The following SDK1 variants were observed in gnomAD, a reference collection of about 807,000 sequenced individuals.
SDK1 encodes the protein protein sidekick-1.
In SDK1, 157 loss-of-function variants were observed where a neutral mutation model predicts 245.5. That is an observed-to-expected ratio of 0.64 (90% CI 0.56 to 0.73). The LOEUF (loss-of-function observed/expected upper bound fraction) is 0.73, where lower values mean the gene tolerates loss of function less well. Ranked by LOEUF, SDK1 falls within the 30% of genes least tolerant of loss-of-function variation. SDK1 has a pLI of 0.00. For missense variants in SDK1, 3,583 were observed against 3,002.3 expected, an observed-to-expected ratio of 1.19 and a Z score of -4.52; for synonymous variants, 1,647 against 1,278.5, an observed-to-expected ratio of 1.29 and a Z score of -6.15.
intron 4 of SDK1, among the ~76,000 whole-genome samples, chr7:3,646,910 T>C (rs1459018540): frequency 6.6e-6 from 1 of 152,152 alleles, no homozygotes; most frequent in East Asian, 1.9e-4. Flanking sequence ...GTCAAATTCA[T>C]AGAGACAGAA....
At chr7:3,951,258 T>C (rs1481938063) in intron 6 of SDK1, among the ~76,000 whole-genome samples, 2 of 151,988 alleles carry the variant, frequency 1.3e-5, no homozygotes, top group Non-Finnish European at 2.9e-5. Context: ...AATGCAGCTC[T>C]GGGTGGTAGT....
intron 5 of SDK1, among the ~76,000 whole-genome samples, chr7:3,902,243 T>G (rs1781815692): frequency 6.6e-6 from 1 of 152,188 alleles, no homozygotes; most frequent in Admixed American, 6.5e-5. Flanking sequence ...TACGCTGACA[T>G]CTCTAATTCC....
intron 1 of SDK1, among the ~76,000 whole-genome samples, chr7:3,597,849 G>A (rs891747257): frequency 2.6e-5 from 4 of 152,126 alleles, no homozygotes; most frequent in Non-Finnish European, 2.9e-5. Context: ...ATTGATGTAC[G>A]TCTCTGTCGT....
intron 2 of SDK1, among the ~76,000 whole-genome samples, chr7:3,627,173 C>T (rs962924415): frequency 6.6e-5 from 10 of 152,126 alleles, no homozygotes; most frequent in African/African-American, 2.4e-4. Flanking sequence ...AAATGATTCA[C>T]CCAGCTTGTC....
In SDK1 at chr7:4,245,439, C is replaced by G. The variant is rs191841125; in HGVS notation, c.6252-237C>G. On this transcript the variant is annotated intron_variant, in intron 43 of 44. Coordinates refer to ENST00000404826, the MANE Select transcript of SDK1 (RefSeq NM_152744.4). ...CCCTCCTGGCACAGACCAGCTCTTC[C>G]TCCATGCCTGCAGGCCTAGCACAGT... Among the ~76,000 whole-genome samples the G allele has an allele frequency of 2.6e-5, 4 of 152,336 alleles. No homozygotes were observed. The East Asian group carries it at 7.7e-4, about 29-fold the overall frequency.
At chr7:3,627,520 G>T (rs755403711) in intron 2 of SDK1, among the ~76,000 whole-genome samples, 1 of 152,154 alleles carries the variant, frequency 6.6e-6, no homozygotes, top group African/African-American at 2.4e-5. Flanking sequence ...GCATGTTTCC[G>T]TGGTAGAAAG....
chr7:3,406,099 C>T (rs1175428825), intron 1 of SDK1, among the ~76,000 whole-genome samples: 2 of 152,142 alleles, frequency 1.3e-5, no homozygotes, highest in African/African-American at 4.8e-5. Flanking sequence ...AGGCGTGAGC[C>T]ACCGCTCCTC....
At position 4,267,074 on chromosome 7, in the gene SDK1, G is replaced by C; in HGVS notation, c.*1690G>C. The C allele has an allele frequency of 1.0e-6, 1 of 985,534 alleles. No homozygotes were observed. Among genetic ancestry groups the C allele is most frequent in the Non-Finnish European group, 1.2e-6 (1 of 829,990 alleles). 61.0% of individuals were successfully genotyped at this position (985,534 alleles called of 1,614,324 possible). A position where few individuals can be genotyped will look rare whatever the true frequency, so the allele number is the denominator to read the frequency against. ...TGGATTCTGTGCTGTCAGCGTTGCT[G>C]AGTATGGCCCCAGGAGACCAAGGAG... On this transcript the variant is annotated 3_prime_UTR_variant, in exon 45 of 45. Transcript: ENST00000404826.
At chr7:3,686,596 T>A (rs922091609) in intron 4 of SDK1, among the ~76,000 whole-genome samples, 3 of 150,612 alleles carry the variant, frequency 2.0e-5, no homozygotes, top group Non-Finnish European at 4.4e-5. Flanking sequence ...AATCTAAATA[T>A]GCAGGTACTA....
intron 1 of SDK1, among the ~76,000 whole-genome samples, chr7:3,539,956 C>A (rs1779007108): frequency 6.6e-6 from 1 of 152,194 alleles, no homozygotes; most frequent in Non-Finnish European, 1.5e-5. Flanking sequence ...AATGACATAC[C>A]TCCTAATTTT....
chr7:3,838,664 T>C (rs1780082680), intron 5 of SDK1, among the ~76,000 whole-genome samples: 2 of 152,202 alleles, frequency 1.3e-5, no homozygotes, highest in African/African-American at 2.4e-5. Flanking sequence ...CCCCCGTCCC[T>C]GAACACAGCG....
At chr7:3,611,633 A>G (rs1229988245) in intron 1 of SDK1, among the ~76,000 whole-genome samples, 3 of 152,148 alleles carry the variant, frequency 2.0e-5, no homozygotes, top group African/African-American at 7.2e-5. Context: ...ACTGTTTTCC[A>G]TAGTGGTCGT....
At chr7:3,624,976 T>C (rs930661704) in intron 2 of SDK1, among the ~76,000 whole-genome samples, 1 of 151,904 alleles carries the variant, frequency 6.6e-6, no homozygotes, top group Non-Finnish European at 1.5e-5. Context: ...GAGGCGGAGG[T>C]TGCAGTAAGC....
At chr7:3,547,290 T>C (rs1185655278) in intron 1 of SDK1, among the ~76,000 whole-genome samples, 3 of 152,208 alleles carry the variant, frequency 2.0e-5, no homozygotes, top group African/African-American at 7.2e-5. Context: ...ATAATTGATC[T>C]GAATAAAAAT....
intron 4 of SDK1, among the ~76,000 whole-genome samples, chr7:3,795,669 A>G (rs1778944748): frequency 6.6e-6 from 1 of 152,064 alleles, no homozygotes; most frequent in East Asian, 1.9e-4. Flanking sequence ...GATGTATTAG[A>G]ACCCATCACG....
intron 1 of SDK1, among the ~76,000 whole-genome samples, chr7:3,364,766 T>C (rs1209971669): frequency 2.0e-5 from 3 of 152,194 alleles, no homozygotes; most frequent in African/African-American, 7.2e-5. Flanking sequence ...CTAGTTCCTT[T>C]GTCTTTTCAG....
chr7:3,532,557 G>A (rs1783383266), intron 1 of SDK1, among the ~76,000 whole-genome samples: 1 of 152,060 alleles, frequency 6.6e-6, no homozygotes, highest in South Asian at 2.1e-4. Context: ...TGGAACCCTG[G>A]GTTTAAGACC....
intron 1 of SDK1, among the ~76,000 whole-genome samples, chr7:3,306,946 A>T (rs1199956645): frequency 6.6e-6 from 1 of 152,206 alleles, no homozygotes; most frequent in Non-Finnish European, 1.5e-5. Context: ...GAAGTAAAGA[A>T]AGTGGTAGTT....
chr7:3,844,231 A>G (rs528400807), intron 5 of SDK1, among the ~76,000 whole-genome samples: 1 of 152,284 alleles, frequency 6.6e-6, no homozygotes, highest in East Asian at 1.9e-4. Context: ...TCAGCCTCCC[A>G]AAATGCTGGG....
Sources: gnomAD v4.1 joint callset for allele counts (sites outside exome capture counted in the v4.1 genomes callset) on GRCh38, gnomAD v4.1.1 for gene constraint, MANE v1.5 for transcripts, NCBI Gene and HGNC (gene_info 2026-07-23, HGNC 2026-07-21) for gene names.